ZCCHC8: variants seen among roughly 807,000 people sequenced by gnomAD.
ZCCHC8 encodes the protein zinc finger CCHC domain-containing protein 8.
ZCCHC8 carries 27 observed loss-of-function variants against 70.6 expected under a neutral mutation model. The ratio of observed to expected loss-of-function variants is 0.38; its 90% CI spans 0.28 to 0.53. The LOEUF (loss-of-function observed/expected upper bound fraction) is 0.53, where lower values mean the gene tolerates loss of function less well. ZCCHC8 is among the 20% of genes least tolerant of loss of function. The probability of loss-of-function intolerance (pLI) is 0.81; values close to 1 mark genes in which losing one functional copy is unlikely to be tolerated. For missense variants in ZCCHC8, 737 were observed against 876.9 expected (o/e 0.84, Z 2.01); for synonymous variants, 293 against 317.4 (o/e 0.92, Z 0.82).
intron 4 of ZCCHC8, among the ~76,000 whole-genome samples, chr12:122,489,841 G>A (rs1301531230): frequency 6.6e-6 from 1 of 151,958 alleles, no homozygotes. Flanking sequence ...TTTGTTTGCT[G>A]AATCTTTAAA....
chr12:122,475,862 T>C (rs1957407919), intron 13 of ZCCHC8, among the ~76,000 whole-genome samples: 1 of 152,188 alleles, frequency 6.6e-6, no homozygotes, highest in Non-Finnish European at 1.5e-5. Context: ...TCACCTCCTA[T>C]TGCCTGGCTC....
chr12:122,474,089 T>C lies in ZCCHC8; in HGVS notation c.1532A>G (p.Asp511Gly). Reference sequence around the variant, plus strand: ...TTCTTCTAGAGTCAGTGCGTCCTCATCCACAGCTCCAGATGCTGTTCTGGT... The same window carrying C: ...TTCTTCTAGAGTCAGTGCGTCCTCACCCACAGCTCCAGATGCTGTTCTGGT... ...PQTRTASGAV[D>G]EDALTLEELE... is the part of the protein sequence containing the mutation. Residue 511 changes from aspartate to glycine, a missense_variant, in exon 14 of 14, where the codon GAT becomes GGT. Coordinates refer to ENST00000633063, the MANE Select transcript of ZCCHC8 (RefSeq NM_017612.5). The C allele has an allele frequency of 1.3e-6, 2 of 1,516,708 alleles. No homozygotes were observed. The highest frequency in any genetic ancestry group is 1.8e-6 in the Non-Finnish European group (2 of 1,134,892). The allele number at this position is 1,516,708 out of a possible 1,614,324, so 94.0% of individuals were successfully genotyped here. A position where few individuals can be genotyped will look rare whatever the true frequency, so the allele number is the denominator to read the frequency against.
rs1957510228 is a variant in ZCCHC8 at position 122,480,480 on chromosome 12, T to A, written c.1019-169A>T. ...TAAATCATTAGGACAGAACTTTTTT[T>A]TTTTTTTTTTGAGAAAGGGTCTTGC... On this transcript the variant is annotated intron_variant, in intron 10 of 13. Coordinates refer to ENST00000633063, the MANE Select transcript of ZCCHC8 (RefSeq NM_017612.5). 1.4e-5 allele frequency: 8 copies of A among 562,602 alleles called. No homozygotes were observed. The South Asian group carries it at 2.9e-4, about 20-fold the overall frequency. 34.9% of individuals were successfully genotyped at this position (562,602 alleles called of 1,614,324 possible). A position where few individuals can be genotyped will look rare whatever the true frequency, so the allele number is the denominator to read the frequency against.
intron 8 of ZCCHC8, 59 bp downstream of exon 8, chr12:122,482,576 T>A: frequency 7.5e-7 from 1 of 1,332,262 alleles, no homozygotes; most frequent in Non-Finnish European, 1.0e-6. Context: ...AACATAAATG[T>A]GTTGAAAACA....
chr12:122,492,631 A>G, intron 3 of ZCCHC8, 84 bp downstream of exon 3: 2 of 848,642 alleles, frequency 2.4e-6, no homozygotes, highest in Non-Finnish European at 3.7e-6. Flanking sequence ...AAATGATATG[A>G]GTACAAATGA....
chr12:122,471,890 T>C lies in ZCCHC8; in HGVS notation c.*1607A>G, dbSNP rs1038870708. 6.6e-6 allele frequency: 1 copy of C among 152,202 alleles called. No individual in the cohort carries two copies. Among genetic ancestry groups the C allele is most frequent in the African/African-American group, 2.4e-5 (1 of 41,458 alleles). 9.4% of individuals were successfully genotyped at this position (152,202 alleles called of 1,614,324 possible). A position where few individuals can be genotyped will look rare whatever the true frequency, so the allele number is the denominator to read the frequency against. On this transcript the variant is annotated 3_prime_UTR_variant, in exon 14 of 14. Transcript: ENST00000633063. ...AAGACGATCTAAACATTTATTTTCA[T>C]GGACTTGACTAATATAAAGATGTAA...
Position 122,474,194 on chromosome 12 carries a change from G to C in ZCCHC8, c.1427C>G (p.Pro476Arg), listed in dbSNP as rs1957371306. ...PPLPPDTPPL[P>R]RGTPPPVFTP... ...GAAGACGGGTGGAGGAGTTCCCCGG[G>C]GGAGTGGAGGAGTGTCAGGAGGTAA... The change falls in exon 14 of 14, where the codon CCC (proline) becomes CGC (arginine). Residue 476 changes from proline to arginine, a missense_variant. By Grantham distance (103) the Pro-to-Arg change is moderately radical (BLOSUM62 -2). Transcript: ENST00000633063. 6.6e-7 allele frequency: 1 copy of C among 1,512,376 alleles called. No homozygotes were observed. Among genetic ancestry groups the C allele is most frequent in the Non-Finnish European group, 8.8e-7 (1 of 1,139,426 alleles). 93.7% of individuals were successfully genotyped at this position (1,512,376 alleles called of 1,614,324 possible).
Position 122,481,909 on chromosome 12 carries a change from T to C in ZCCHC8, c.875+36A>G, listed in dbSNP as rs900930247. The stretch of plus-strand genomic sequence containing the variant: ...CAGAACATTCCAAATGCTAGGGAAA[T>C]AAAAATGACCTTCTATGGTAAAATG... On this transcript the variant is annotated intron_variant, in intron 9 of 13. Transcript: ENST00000633063. The C allele has an allele frequency of 8.1e-6, 13 of 1,598,682 alleles. No individual in the cohort carries two copies. In the African/African-American group the frequency reaches 1.6e-4, roughly 20 times the overall value.
At chr12:122,481,903 G>A in intron 9 of ZCCHC8, 42 bp downstream of exon 9, 1 of 1,593,438 alleles carries the variant, frequency 6.3e-7, no homozygotes, top group South Asian at 1.1e-5. Flanking sequence ...CCAAATGCTA[G>A]GGAAATAAAA....
intron 1 of ZCCHC8, chr12:122,499,172 C>A: frequency 4.7e-6 from 2 of 423,010 alleles, no homozygotes; most frequent in Non-Finnish European, 8.6e-6. Flanking sequence ...AACCTTTCAA[C>A]AACCACTATG....
At chr12:122,478,435 G>A in intron 11 of ZCCHC8, 143 bp from the exon 12 acceptor site, 1 of 636,032 alleles carries the variant, frequency 1.6e-6, no homozygotes, top group East Asian at 2.8e-5. Flanking sequence ...GGAAATTAAG[G>A]AAAATAATGT....
Position 122,474,292 on chromosome 12 carries a change from AAG to A in ZCCHC8, c.1346-19_1346-18del, listed in dbSNP as rs747183844. 1 of 1,379,202 alleles carries A rather than the reference AAG, an allele frequency of 7.3e-7. No individual in the cohort carries two copies. The highest frequency in any genetic ancestry group is 9.4e-7 in the Non-Finnish European group (1 of 1,060,156). The allele number at this position is 1,379,202 out of a possible 1,614,324, so 85.4% of individuals were successfully genotyped here. On this transcript the variant is annotated intron_variant, in intron 13 of 13. Transcript: ENST00000633063. ...CCTCCATATCTGAAGTAAGAAAGTT[AAG>A]AGATACTTTAGAACTTATAATAGCA...
intron 5 of ZCCHC8, among the ~76,000 whole-genome samples, chr12:122,484,469 G>C (rs1418609639): frequency 1.3e-5 from 2 of 149,608 alleles, no homozygotes; most frequent in African/African-American, 5.0e-5. Context: ...CTGGAATGCA[G>C]TGGCATGATC....
At chr12:122,482,198 A>G in intron 8 of ZCCHC8, 111 bp from the exon 9 acceptor site, 1 of 1,197,430 alleles carries the variant, frequency 8.4e-7, no homozygotes, top group Non-Finnish European at 1.1e-6. Context: ...TTTAGTTTTA[A>G]TGTATAACGA....
intron 2 of ZCCHC8, among the ~76,000 whole-genome samples, chr12:122,493,451 C>T (rs973120355): frequency 6.6e-5 from 10 of 152,100 alleles, no homozygotes; most frequent in Non-Finnish European, 1.2e-4. Context: ...GATGGAGTCT[C>T]GCTCTGTTGC....
intron 13 of ZCCHC8, among the ~76,000 whole-genome samples, chr12:122,477,415 A>G (rs1467432365): frequency 2.0e-5 from 3 of 150,176 alleles, no homozygotes; most frequent in African/African-American, 7.3e-5. Context: ...CAGCCTCCCA[A>G]AGTGCTGGGA....
In ZCCHC8 at chr12:122,482,055, T is replaced by C; in HGVS notation, c.765A>G (p.Arg255=). The change falls in exon 9 of 14, where the codon AGA becomes AGG. Residue 255 remains arginine (R), a synonymous_variant. Transcript: ENST00000633063. The part of the protein sequence containing the change: ...PRNAARISEK[R]KEYMDACGEA... ...CTCCACAGGCATCCATATACTCTTT[T>C]CTCTTTTCACTTATTCGAGCAGCAT... The C allele has an allele frequency of 1.9e-6, 3 of 1,611,256 alleles. No homozygotes were observed. The highest frequency in any genetic ancestry group is 2.2e-5 in the South Asian group (2 of 90,610).
chr12:122,494,277 G>C (rs1036230271), intron 2 of ZCCHC8, among the ~76,000 whole-genome samples: 1 of 152,138 alleles, frequency 6.6e-6, no homozygotes, highest in Non-Finnish European at 1.5e-5. Context: ...TAAGAGGCTG[G>C]GCGCAGTGGC....
chr12:122,498,510 C>T (rs989002793), intron 2 of ZCCHC8, among the ~76,000 whole-genome samples: 1 of 152,030 alleles, frequency 6.6e-6, no homozygotes, highest in Non-Finnish European at 1.5e-5. Context: ...AATCTTAATT[C>T]TAACTTTCTA....
Sources: gnomAD v4.1 joint callset for allele counts (sites outside exome capture counted in the v4.1 genomes callset) on GRCh38, gnomAD v4.1.1 for gene constraint, MANE v1.5 for transcripts, NCBI Gene and HGNC (gene_info 2026-07-23, HGNC 2026-07-21) for gene names.